NEK7: variants seen among roughly 807,000 people sequenced by gnomAD.
The protein encoded by NEK7 is serine/threonine-protein kinase Nek7.
Under a neutral mutation model 44.6 loss-of-function variants are expected in NEK7, and 18 were observed. That is an observed-to-expected ratio of 0.40 (90% CI 0.28 to 0.60). The LOEUF (loss-of-function observed/expected upper bound fraction) is 0.60, where lower values mean the gene tolerates loss of function less well. Among genes scored for constraint, NEK7 ranks in the 20% least tolerant of loss-of-function variants. NEK7 has a pLI of 0.38. For synonymous variants in NEK7, 130 were observed against 121.1 expected (o/e 1.07, Z -0.48); for missense variants, 256 against 366.5 (o/e 0.70, Z 2.46).
intron 1 of NEK7, among the ~76,000 whole-genome samples, chr1:198,231,299 GTGTATATATATATATATATA>G (rs1300643384): frequency 2.0e-5 from 2 of 98,270 alleles, no homozygotes; most frequent in African/African-American, 8.6e-5. Flanking sequence ...GTATGTGTGT[GTGTATATATATATATATATA>G]TATATATATA....
At chr1:198,255,342 A>G (rs1169649731) in intron 3 of NEK7, among the ~76,000 whole-genome samples, 1 of 152,130 alleles carries the variant, frequency 6.6e-6, no homozygotes, top group African/African-American at 2.4e-5. Context: ...GATTGTCAAG[A>G]TGGGAGGTTG....
chr1:198,162,771 A>G (rs531541739), intron 1 of NEK7, among the ~76,000 whole-genome samples: 1 of 152,132 alleles, frequency 6.6e-6, no homozygotes, highest in Non-Finnish European at 1.5e-5. Context: ...TTCAAAATTT[A>G]ATGGTTCCTA....
intron 3 of NEK7, among the ~76,000 whole-genome samples, chr1:198,260,116 T>A (rs1160719845): frequency 6.6e-6 from 1 of 152,124 alleles, no homozygotes; most frequent in Non-Finnish European, 1.5e-5. Flanking sequence ...GCATTAACAG[T>A]TTAAGCTTGT....
At chr1:198,303,885 T>A (rs1394032491) in intron 9 of NEK7, among the ~76,000 whole-genome samples, 2 of 152,142 alleles carry the variant, frequency 1.3e-5, no homozygotes, top group African/African-American at 4.8e-5. Context: ...CAATAATATA[T>A]AATTGTGCCA....
At chr1:198,188,413 G>A (rs1210977166) in intron 1 of NEK7, among the ~76,000 whole-genome samples, 1 of 152,186 alleles carries the variant, frequency 6.6e-6, no homozygotes, top group African/African-American at 2.4e-5. Flanking sequence ...GTGGAGAGAA[G>A]TGATGGCCCT....
chr1:198,297,153 T>C lies in NEK7; in HGVS notation c.711T>C (p.Tyr237=). Reference sequence around the variant, plus strand: ...TGGCTGCATTACAAAGTCCTTTCTATGGTGACAAAATGAATTTATACTCAC... The same window carrying C: ...TGGCTGCATTACAAAGTCCTTTCTACGGTGACAAAATGAATTTATACTCAC... ...YEMAALQSPF[Y]GDKMNLYSLC... The change falls in exon 9 of 10, where the codon TAT becomes TAC. Residue 237 remains tyrosine (Y), a synonymous_variant. Coordinates refer to ENST00000367385, the MANE Select transcript of NEK7 (RefSeq NM_133494.3). 1.9e-6 allele frequency: 3 copies of C among 1,613,174 alleles called. No individual in the cohort carries two copies. The highest frequency in any genetic ancestry group is 1.1e-5 in the South Asian group (1 of 91,052).
intron 1 of NEK7, among the ~76,000 whole-genome samples, chr1:198,163,896 T>C (rs538801702): frequency 5.4e-4 from 82 of 152,338 alleles, no homozygotes; most frequent in African/African-American, 1.9e-3. Flanking sequence ...TTTTTTATTG[T>C]TGAATGACAT....
At chr1:198,202,863 G>A (rs1357231430) in intron 1 of NEK7, among the ~76,000 whole-genome samples, 1 of 152,024 alleles carries the variant, frequency 6.6e-6, no homozygotes, top group Non-Finnish European at 1.5e-5. Context: ...ATTTGGGTGG[G>A]GACACAGCCA....
Position 198,253,065 on chromosome 1 carries a change from A to G in NEK7, c.83A>G (p.Tyr28Cys), listed in dbSNP as rs1653128447. 2 of 1,612,582 alleles carry G rather than the reference A, an allele frequency of 1.2e-6. No individual in the cohort carries two copies. Among genetic ancestry groups the G allele is most frequent in the South Asian group, 1.1e-5 (1 of 90,948 alleles). Residue 28 changes from tyrosine (Y) to cysteine (C), a missense_variant, in exon 3 of 10, where the codon TAT becomes TGT. Transcript: ENST00000367385. ...AAGGCCTTACGACCGGATATGGGCT[A>G]TAATACATTAGCCAACTTTCGAATA... is the stretch of plus-strand genomic sequence containing the variant. ...PQKALRPDMGYNTLANFRIEK... is the reference protein window; with the variant it reads ...PQKALRPDMGCNTLANFRIEK...
chr1:198,183,470 G>A (rs1664825697), intron 1 of NEK7, among the ~76,000 whole-genome samples: 1 of 152,152 alleles, frequency 6.6e-6, no homozygotes, highest in Non-Finnish European at 1.5e-5. Flanking sequence ...TACAATGAAG[G>A]AGGTATTCTA....
intron 9 of NEK7, among the ~76,000 whole-genome samples, chr1:198,312,348 G>T (rs552747227): frequency 1.5e-4 from 22 of 149,598 alleles, no homozygotes; most frequent in African/African-American, 4.7e-4. Flanking sequence ...TATTAGTCTT[G>T]CTAGCAGTCT....
At chr1:198,221,171 C>G (rs1405183556) in intron 1 of NEK7, 1 of 151,938 alleles carries the variant, frequency 6.6e-6, no homozygotes, top group Non-Finnish European at 1.5e-5. Flanking sequence ...TTTAGGGAAA[C>G]TTTGATAGCA....
In NEK7 at chr1:198,174,408, G is replaced by A. The variant is rs990107292; in HGVS notation, c.-29+17132G>A. Reference sequence around the variant, plus strand: ...CTCAAAGGTACAAGTATTATGCTTCGTTTCTTGTGTACGTGGGGAGGTGGG... The same window carrying A: ...CTCAAAGGTACAAGTATTATGCTTCATTTCTTGTGTACGTGGGGAGGTGGG... On this transcript the variant is annotated intron_variant, in intron 1 of 9. Coordinates refer to ENST00000367385, the MANE Select transcript of NEK7 (RefSeq NM_133494.3). Among the ~76,000 whole-genome samples, 22 of 151,784 alleles carry A rather than the reference G, an allele frequency of 1.4e-4. 1 individual carries two copies. Among genetic ancestry groups the A allele is most frequent in the African/African-American group, 5.3e-4 (22 of 41,400 alleles).
intron 1 of NEK7, among the ~76,000 whole-genome samples, chr1:198,181,236 C>G (rs1384589747): frequency 6.6e-6 from 1 of 151,986 alleles, no homozygotes; most frequent in Non-Finnish European, 1.5e-5. Context: ...ATAAAAACTT[C>G]TTGGTGTTTT....
intron 1 of NEK7, among the ~76,000 whole-genome samples, chr1:198,173,444 A>C (rs892895889): frequency 3.3e-5 from 5 of 152,028 alleles, no homozygotes; most frequent in African/African-American, 1.2e-4. Flanking sequence ...AAAAAAAAAA[A>C]AAAGGACAGC....
rs554075286 is a variant in NEK7, at chr1:198,310,115, G to A, written c.799-9297G>A. ...TCCTCTCCAGCACCTGTTGTTTCCT[G>A]ACTTTTTAATGATTGCCATTCTAAC... is the stretch of plus-strand genomic sequence containing the variant. On this transcript the variant is annotated intron_variant, in intron 9 of 9. Coordinates refer to ENST00000367385, the MANE Select transcript of NEK7 (RefSeq NM_133494.3). 1.6e-4 allele frequency among the ~76,000 whole-genome samples: 25 copies of A among 152,152 alleles called. No homozygotes were observed. The South Asian group carries it at 5.2e-3, about 32-fold the overall frequency.
intron 3 of NEK7, among the ~76,000 whole-genome samples, chr1:198,260,339 A>C (rs1161069014): frequency 2.6e-5 from 4 of 152,004 alleles, no homozygotes; most frequent in Non-Finnish European, 5.9e-5. Flanking sequence ...ACAACAGCTT[A>C]ATGTTAGCTA....
intron 1 of NEK7, among the ~76,000 whole-genome samples, chr1:198,227,231 G>C (rs1320921115): frequency 6.6e-6 from 1 of 152,186 alleles, no homozygotes. Flanking sequence ...GTATTTCATG[G>C]TGTATATGTG....
chr1:198,272,330 C>T (rs1001354797), intron 5 of NEK7, among the ~76,000 whole-genome samples: 2 of 151,778 alleles, frequency 1.3e-5, no homozygotes, highest in Non-Finnish European at 2.9e-5. Flanking sequence ...CTTTTGTAAA[C>T]CATGTAATAC....
Sources: gnomAD v4.1 joint callset for allele counts (sites outside exome capture counted in the v4.1 genomes callset) on GRCh38, gnomAD v4.1.1 for gene constraint, MANE v1.5 for transcripts, NCBI Gene and HGNC (gene_info 2026-07-23, HGNC 2026-07-21) for gene names.